Variants in LMCD1 observed in about 807,000 individuals in gnomAD.
The protein encoded by LMCD1 is LIM and cysteine rich domains 1, also known as LIM and cysteine-rich domains protein 1.
In LMCD1, 32 loss-of-function variants were observed where a neutral mutation model predicts 42.7. That is an observed-to-expected ratio of 0.75 (90% CI 0.57 to 1.01). LMCD1 has a LOEUF of 1.01. Ranked by LOEUF, LMCD1 falls within the 50% of genes least tolerant of loss-of-function variation. The probability of loss-of-function intolerance (pLI) is 0.00; values close to 1 mark genes in which losing one functional copy is unlikely to be tolerated. For synonymous variants in LMCD1, 178 were observed against 184.9 expected (o/e 0.96, Z 0.30); for missense variants, 458 against 483.1 (o/e 0.95, Z 0.49).
chr3:8,550,887 G>C (rs1545416), intron 4 of LMCD1: 1 of 984,772 alleles, frequency 1.0e-6, no homozygotes, highest in Non-Finnish European at 1.2e-6. Context: ...CTGACATCGT[G>C]TTTTATTCTT....
chr3:8,547,904 T>C (rs1458747477), intron 3 of LMCD1, among the ~76,000 whole-genome samples: 2 of 151,420 alleles, frequency 1.3e-5, no homozygotes, highest in Non-Finnish European at 2.9e-5. Context: ...AAGAAAAGAA[T>C]GCACTTACAC....
At chr3:8,524,796 C>T (rs576549386) in intron 1 of LMCD1, among the ~76,000 whole-genome samples, 8 of 152,018 alleles carry the variant, frequency 5.3e-5, no homozygotes, top group African/African-American at 9.7e-5. Flanking sequence ...GCAATCCTCC[C>T]GCCTCAGCCT....
Position 8,537,265 on chromosome 3 carries a change from G to A in LMCD1, c.212G>A (p.Arg71His), listed in dbSNP as rs185059727. The A allele has an allele frequency of 1.3e-5, 21 of 1,614,056 alleles. No homozygotes were observed. The highest frequency in any genetic ancestry group is 1.6e-4 in the Middle Eastern group (1 of 6,062). ...CTAGAAGACGATCGGAAAATTGGCC[G>A]CTTGCTGATGGACTCCAAGTATTCC... ...SDLEDDRKIG[R>H]LLMDSKYSTL... Residue 71 changes from arginine (R) to histidine (H), a missense_variant, in exon 3 of 6, where the codon CGC (arginine) becomes CAC (histidine). Physicochemically the swap from Arg to His is conservative, Grantham distance 29. Transcript: ENST00000157600.
Position 8,571,960 on chromosome 3 carries a change from C to A in LMCD1, c.*4362C>A, listed in dbSNP as rs879264386. 2 of 152,186 alleles carry A rather than the reference C, an allele frequency of 1.3e-5. No homozygotes were observed. Among genetic ancestry groups the A allele is most frequent in the Admixed American group, 6.5e-5 (1 of 15,284 alleles). 9.4% of individuals were successfully genotyped at this position (152,186 alleles called of 1,614,324 possible). A position where few individuals can be genotyped will look rare whatever the true frequency, so the allele number is the denominator to read the frequency against. ...ACAACCATCAAAATCAGGAAGTTAA[C>A]GCTGATGTGTTTCTACCATGTAATC... On this transcript the variant is annotated 3_prime_UTR_variant, in exon 6 of 6. Transcript: ENST00000157600.
intron 4 of LMCD1, 79 bp from the exon 5 acceptor site, chr3:8,565,353 G>C: frequency 7.8e-7 from 1 of 1,280,654 alleles, no homozygotes; most frequent in South Asian, 1.2e-5. Context: ...AAGTAGAAAG[G>C]CTGGAGCTGG....
intron 4 of LMCD1, among the ~76,000 whole-genome samples, chr3:8,559,112 G>A (rs1184126326): frequency 1.3e-5 from 2 of 151,102 alleles, no homozygotes; most frequent in East Asian, 4.0e-4. Flanking sequence ...GGCAAATGAT[G>A]AAAAACTCAC....
chr3:8,502,355 A>G (rs1312650365), intron 1 of LMCD1, among the ~76,000 whole-genome samples: 9 of 73,106 alleles, frequency 1.2e-4, no homozygotes, highest in African/African-American at 5.0e-4. Context: ...AAAATATATA[A>G]TATATATTAT....
rs139042885 is a variant in LMCD1 at position 8,504,625 on chromosome 3, C to T, written c.42+2645C>T. Among the ~76,000 whole-genome samples, 253 of 152,314 alleles carry T rather than the reference C, an allele frequency of 1.7e-3. 4 individuals carry two copies. In the East Asian group the frequency reaches 0.039, roughly 24 times the overall value. On this transcript the variant is annotated intron_variant, in intron 1 of 5. Transcript: ENST00000157600. ...GCTGGGGAAAGAGACTCACTGGGGGCCACATACATACATCGTGGCAGAGCT... is the reference window on the plus strand; with the variant it reads ...GCTGGGGAAAGAGACTCACTGGGGGTCACATACATACATCGTGGCAGAGCT...
intron 4 of LMCD1, among the ~76,000 whole-genome samples, chr3:8,556,136 A>T (rs1442728730): frequency 6.6e-6 from 1 of 152,208 alleles, no homozygotes; most frequent in Non-Finnish European, 1.5e-5. Context: ...TACCTAGGTT[A>T]TGCCAGGCAC....
At chr3:8,533,117 G>A (rs1694444230) in intron 2 of LMCD1, among the ~76,000 whole-genome samples, 1 of 152,134 alleles carries the variant, frequency 6.6e-6, no homozygotes, top group Non-Finnish European at 1.5e-5. Context: ...GAAGACCCAA[G>A]CAGAGGTTAG....
intron 3 of LMCD1, among the ~76,000 whole-genome samples, chr3:8,546,701 T>C (rs1009366321): frequency 6.6e-6 from 1 of 152,154 alleles, no homozygotes; most frequent in African/African-American, 2.4e-5. Flanking sequence ...ACAGTGCTGC[T>C]TGTAAGAACA....
chr3:8,517,665 C>G (rs144677325), intron 1 of LMCD1, among the ~76,000 whole-genome samples: 1 of 152,302 alleles, frequency 6.6e-6, no homozygotes, highest in Non-Finnish European at 1.5e-5. Flanking sequence ...GATGCTAAAA[C>G]GCCTTTATCA....
intron 1 of LMCD1, among the ~76,000 whole-genome samples, chr3:8,525,340 T>C (rs1457137334): frequency 1.3e-5 from 2 of 152,228 alleles, no homozygotes; most frequent in Non-Finnish European, 2.9e-5. Flanking sequence ...CTTGAGTTCA[T>C]CCATGTTGTC....
chr3:8,512,460 A>G (rs1199481778), intron 1 of LMCD1, among the ~76,000 whole-genome samples: 2 of 152,208 alleles, frequency 1.3e-5, no homozygotes, highest in African/African-American at 2.4e-5. Flanking sequence ...AAAATCCCAG[A>G]TGATTCCCTG....
intron 1 of LMCD1, among the ~76,000 whole-genome samples, chr3:8,502,398 A>ATATATATAATATATATTATATATATTT (rs1693774353): frequency 1.2e-4 from 5 of 41,396 alleles, no homozygotes; most frequent in African/African-American, 4.2e-4. Flanking sequence ...TATATATAAA[A>ATATATATAATATATATTATATATATTT]TATATATAAT....
intron 1 of LMCD1, among the ~76,000 whole-genome samples, chr3:8,525,809 C>T (rs1008181329): frequency 1.3e-5 from 2 of 152,192 alleles, no homozygotes; most frequent in African/African-American, 4.8e-5. Context: ...TGAACATTGG[C>T]ATCCCCTGGG....
intron 2 of LMCD1, among the ~76,000 whole-genome samples, chr3:8,535,058 T>G (rs183749095): frequency 2.8e-4 from 42 of 152,314 alleles, no homozygotes; most frequent in African/African-American, 9.1e-4. Context: ...TGGAAAGTAT[T>G]GGGGAGGTCA....
intron 1 of LMCD1, among the ~76,000 whole-genome samples, chr3:8,506,315 T>C (rs146736067): frequency 1.3e-5 from 2 of 152,298 alleles, no homozygotes; most frequent in East Asian, 3.9e-4. Flanking sequence ...GAAAAATGAC[T>C]TTGGCATTCC....
At chr3:8,504,061 T>C (rs558869595) in intron 1 of LMCD1, among the ~76,000 whole-genome samples, 1 of 152,294 alleles carries the variant, frequency 6.6e-6, no homozygotes, top group African/African-American at 2.4e-5. Flanking sequence ...TCCATTTAGA[T>C]CCAATTACAG....
Sources: gnomAD v4.1 joint callset for allele counts (sites outside exome capture counted in the v4.1 genomes callset) on GRCh38, gnomAD v4.1.1 for gene constraint, MANE v1.5 for transcripts, NCBI Gene and HGNC (gene_info 2026-07-23, HGNC 2026-07-21) for gene names.